FNDC1: variants seen among roughly 807,000 people sequenced by gnomAD.
FNDC1 encodes the protein fibronectin type III domain containing 1, also known as fibronectin type III domain-containing protein 1.
FNDC1 carries 96 observed loss-of-function variants against 168.0 expected under a neutral mutation model. That is an observed-to-expected ratio of 0.57 (90% CI 0.48 to 0.68). The LOEUF (loss-of-function observed/expected upper bound fraction) is 0.68, where lower values mean the gene tolerates loss of function less well. Among genes scored for constraint, FNDC1 ranks in the 30% least tolerant of loss-of-function variants. The probability of loss-of-function intolerance (pLI) is 0.00; values close to 1 mark genes in which losing one functional copy is unlikely to be tolerated. For missense variants in FNDC1, 2,587 were observed against 2,482.1 expected (o/e 1.04, Z -0.90); for synonymous variants, 1,099 against 1,025.9 (o/e 1.07, Z -1.36).
chr6:159,207,104 C>T (rs1367118343), intron 4 of FNDC1, among the ~76,000 whole-genome samples: 2 of 152,140 alleles, frequency 1.3e-5, no homozygotes, highest in Non-Finnish European at 2.9e-5. Context: ...TGCTGGCACC[C>T]CCCCACCCCA....
intron 17 of FNDC1, among the ~76,000 whole-genome samples, chr6:159,254,707 CAAAAAAAAAAAA>C (rs61644137): frequency 1.1e-5 from 1 of 92,632 alleles, no homozygotes; most frequent in African/African-American, 4.2e-5. Context: ...GACTTCGTCT[CAAAAAAAAAAAA>C]AAAAAAAAAA....
rs1783138952 is a variant in FNDC1, at chr6:159,233,116, C to T, written c.2604C>T (p.His868=). 1.2e-6 allele frequency: 2 copies of T among 1,603,334 alleles called. No individual in the cohort carries two copies. The highest frequency in any genetic ancestry group is 3.4e-5 in the Admixed American group (2 of 58,468). ...GGGTTCCCTCTCACTCTGATTCCCACCCTAAGCTTAGCTCAGGTATCCATG... is the reference window on the plus strand; with the variant it reads ...GGGTTCCCTCTCACTCTGATTCCCATCCTAAGCTTAGCTCAGGTATCCATG... ...HPRVPSHSDS[H]PKLSSGIHGD... The change falls in exon 11 of 23, where the codon CAC becomes CAT. Residue 868 remains histidine (H), a synonymous_variant. Coordinates refer to ENST00000297267, the MANE Select transcript of FNDC1 (RefSeq NM_032532.3). This position sits in a 1 kb window ranked among gnomAD's most constrained non-coding sequence, Gnocchi z 4.6.
chr6:159,200,039 C>T lies in FNDC1; in HGVS notation c.348C>T (p.His116=), dbSNP rs1325080270. 6.2e-7 allele frequency: 1 copy of T among 1,606,328 alleles called. No homozygotes were observed. The highest frequency in any genetic ancestry group is 1.7e-5 in the Admixed American group (1 of 59,174). Residue 116 remains histidine (H), a synonymous_variant, in exon 3 of 23, where the codon CAC becomes CAT. Coordinates refer to ENST00000297267, the MANE Select transcript of FNDC1 (RefSeq NM_032532.3). ...TTGTGCTGCTTACTGCAGAAAACCA[C>T]AGTGGAGTGAGCCGTCCTGTTTACA... ...VYFVLLTAEN[H]SGVSRPVYRA...
intron 1 of FNDC1, among the ~76,000 whole-genome samples, chr6:159,189,021 G>T (rs1782071444): frequency 1.3e-5 from 2 of 152,060 alleles, no homozygotes; most frequent in African/African-American, 4.8e-5. Context: ...CCAAGTGCTG[G>T]GATTATAGGT....
At position 159,233,468 on chromosome 6, in the gene FNDC1, T is replaced by G. The variant is rs750211634; in HGVS notation, c.2956T>G (p.Ser986Ala). Residue 986 changes from serine (S) to alanine (A), a missense_variant, in exon 11 of 23, where the codon TCA (serine) becomes GCA (alanine). Ser to Ala is a moderately conservative substitution (Grantham distance 99, BLOSUM62 1). Coordinates refer to ENST00000297267, the MANE Select transcript of FNDC1 (RefSeq NM_032532.3). This position sits in a 1 kb window ranked among gnomAD's most constrained non-coding sequence, Gnocchi z 4.6. ...ASPARPPAAR[S>A]QQHPSVPRRM... is the part of the protein sequence containing the mutation. The stretch of plus-strand genomic sequence containing the variant: ...CCCTGCTCGTCCGCCCGCAGCACGG[T>G]CACAGCAGCATCCCAGTGTTCCCAG... 5 of 1,606,234 alleles carry G rather than the reference T, an allele frequency of 3.1e-6. No individual in the cohort carries two copies. The African/African-American group carries it at 6.7e-5, about 21-fold the overall frequency.
intron 12 of FNDC1, 125 bp from the exon 13 acceptor site, chr6:159,238,428 GA>G (rs1783318629): frequency 1.6e-6 from 1 of 624,916 alleles, no homozygotes; most frequent in African/African-American, 1.9e-5. Context: ...TTGACAAAAA[GA>G]ATGTCTTCTA....
rs193071123 is a variant in FNDC1 at position 159,229,945 on chromosome 6, C to T, written c.1311C>T (p.Ala437=). The T allele has an allele frequency of 3.9e-4, 636 of 1,613,910 alleles. 4 individuals are homozygous for T. The East Asian group carries it at 0.012, about 31-fold the overall frequency. Reference sequence around the variant, plus strand: ...AACGCTATCTTTTCAAAATCCGGGCCACAAACAGGAGAGGCCTGGGACCTC... The same window carrying T: ...AACGCTATCTTTTCAAAATCCGGGCTACAAACAGGAGAGGCCTGGGACCTC... ...PGERYLFKIR[A]TNRRGLGPHS... Residue 437 remains alanine, a synonymous_variant, in exon 10 of 23, where the codon GCC becomes GCT. Transcript: ENST00000297267.
intron 9 of FNDC1, among the ~76,000 whole-genome samples, chr6:159,229,373 A>C (rs1783034124): frequency 6.6e-6 from 1 of 152,232 alleles, no homozygotes; most frequent in Non-Finnish European, 1.5e-5. Flanking sequence ...AAAATAACCC[A>C]GGTTAATAAA....
At chr6:159,264,674 C>T (rs967871981) in intron 19 of FNDC1, among the ~76,000 whole-genome samples, 5 of 152,136 alleles carry the variant, frequency 3.3e-5, no homozygotes, top group African/African-American at 1.2e-4. Flanking sequence ...ACACTATTTT[C>T]TAAAGGTAGA....
At chr6:159,216,047 C>T (rs962678896) in intron 5 of FNDC1, among the ~76,000 whole-genome samples, 5 of 152,140 alleles carry the variant, frequency 3.3e-5, no homozygotes, top group Admixed American at 6.5e-5. Flanking sequence ...CGGCAACCTC[C>T]GCCTCCCGGG....
At chr6:159,240,705 C>T (rs1783399770) in intron 14 of FNDC1, 1 of 152,204 alleles carries the variant, frequency 6.6e-6, no homozygotes, top group Non-Finnish European at 1.5e-5. Flanking sequence ...AGCTAGGAGA[C>T]CTTTATCCAG....
intron 5 of FNDC1, among the ~76,000 whole-genome samples, chr6:159,215,953 GT>G (rs1782701513): frequency 6.6e-6 from 1 of 151,942 alleles, no homozygotes; most frequent in Non-Finnish European, 1.5e-5. Context: ...CATACCCAGG[GT>G]CAATACATTG....
chr6:159,225,185 A>ACT (rs1782924425), intron 7 of FNDC1, among the ~76,000 whole-genome samples: 2 of 146,798 alleles, frequency 1.4e-5, no homozygotes, highest in Non-Finnish European at 3.0e-5. Context: ...ACAGACACAC[A>ACT]CACACACACG....
In FNDC1 at chr6:159,269,292, C is replaced by T. The variant is rs1562315829; in HGVS notation, c.5569+1366C>T. 1.0e-3 allele frequency among the ~76,000 whole-genome samples: 40 copies of T among 38,730 alleles called. 2 individuals carry two copies. Among genetic ancestry groups the T allele is most frequent in the Non-Finnish European group, 4.2e-3 (35 of 8,398 alleles). 25.4% of individuals were successfully genotyped at this position (38,730 alleles called of 152,430 possible). A position where few individuals can be genotyped will look rare whatever the true frequency, so the allele number is the denominator to read the frequency against. On this transcript the variant is annotated intron_variant, in intron 22 of 22. Coordinates refer to ENST00000297267, the MANE Select transcript of FNDC1 (RefSeq NM_032532.3). ...TCTATCTATCTATCTATCTATCTAT[C>T]CATCCATCCATCTATCCTATCTATT...
In FNDC1 at chr6:159,233,479, T is replaced by C; in HGVS notation, c.2967T>C (p.His989=). 6.2e-7 allele frequency: 1 copy of C among 1,604,812 alleles called. No individual in the cohort carries two copies. Among genetic ancestry groups the C allele is most frequent in the Non-Finnish European group, 8.5e-7 (1 of 1,178,484 alleles). Residue 989 remains histidine, a synonymous_variant, in exon 11 of 23, where the codon CAT becomes CAC. Transcript: ENST00000297267. This position sits in a 1 kb window ranked among gnomAD's most constrained non-coding sequence, Gnocchi z 4.6. ...CGCCCGCAGCACGGTCACAGCAGCA[T>C]CCCAGTGTTCCCAGAAGGATGACAC... The part of the protein sequence containing the change: ...ARPPAARSQQ[H]PSVPRRMTPG...
intron 7 of FNDC1, among the ~76,000 whole-genome samples, chr6:159,224,902 T>C (rs1252681535): frequency 6.6e-6 from 1 of 152,218 alleles, no homozygotes; most frequent in African/African-American, 2.4e-5. Context: ...CAGGGGTTGC[T>C]GAACTGTCCA....
chr6:159,176,970 G>A (rs1355438265), intron 1 of FNDC1, among the ~76,000 whole-genome samples: 2 of 152,248 alleles, frequency 1.3e-5, no homozygotes, highest in African/African-American at 2.4e-5. Flanking sequence ...GAAATGGCTC[G>A]TATGTTCCAG....
At chr6:159,222,982 T>C in intron 6 of FNDC1, among the ~76,000 whole-genome samples, 1 of 132,578 alleles carries the variant, frequency 7.5e-6, no homozygotes. Context: ...AGTGAAATAC[T>C]CATTTTTTTT....
intron 5 of FNDC1, among the ~76,000 whole-genome samples, chr6:159,216,061 A>C (rs1397200882): frequency 6.6e-6 from 1 of 152,022 alleles, no homozygotes; most frequent in Non-Finnish European, 1.5e-5. Context: ...TCCCGGGTTC[A>C]GGCGATTCTC....
Sources: gnomAD v4.1 joint callset for allele counts (sites outside exome capture counted in the v4.1 genomes callset) on GRCh38, gnomAD v4.1.1 for gene constraint, Gnocchi (gnomAD v3.1) non-coding constraint, MANE v1.5 for transcripts, NCBI Gene and HGNC (gene_info 2026-07-23, HGNC 2026-07-21) for gene names.